Variants in SBF1 observed in about 807,000 individuals in gnomAD.
SBF1 encodes SET binding factor 1.
Under a neutral mutation model 215.8 loss-of-function variants are expected in SBF1, and 65 were observed. That is an observed-to-expected ratio of 0.30 (90% CI 0.25 to 0.37). The LOEUF (loss-of-function observed/expected upper bound fraction) is 0.37, where lower values mean the gene tolerates loss of function less well. Among genes scored for constraint, SBF1 ranks in the 10% least tolerant of loss-of-function variants. The probability of loss-of-function intolerance (pLI) is 1.00; values close to 1 mark genes in which losing one functional copy is unlikely to be tolerated. For synonymous variants in SBF1, 1,410 were observed against 1,122.8 expected (o/e 1.26, Z -5.11); for missense variants, 2,634 against 2,667.8 (o/e 0.99, Z 0.28).
At chr22:50,469,212 G>A (rs1019998950) in intron 1 of SBF1, among the ~76,000 whole-genome samples, 1 of 152,156 alleles carries the variant, frequency 6.6e-6, no homozygotes, top group Admixed American at 6.5e-5. Context: ...AGAGTGGGAC[G>A]GTGGTCACAC....
At position 50,463,340 on chromosome 22, in the gene SBF1, C is replaced by T. The variant is rs892200506; in HGVS notation, c.1842G>A (p.Ala614=). The change falls in exon 16 of 41, where the codon GCG becomes GCA. Residue 614 remains alanine (A), a synonymous_variant. Coordinates refer to ENST00000380817, the MANE Select transcript of SBF1 (RefSeq NM_002972.4). ...AGTCAAACTGCTGGTGGTCCAGGAC[C>T]GCACGGTTCTGCTGCACATGCAGGT... ...ELHLHVQQNR[A]VLDHQQFDFV... 8.1e-6 allele frequency: 13 copies of T among 1,612,214 alleles called. No individual in the cohort carries two copies. The highest frequency in any genetic ancestry group is 4.5e-5 in the East Asian group (2 of 44,844).
Position 50,465,240 on chromosome 22 carries a change from G to A in SBF1, c.1178C>T (p.Pro393Leu), listed in dbSNP as rs752751209. 3.7e-6 allele frequency: 6 copies of A among 1,612,344 alleles called. No individual in the cohort carries two copies. Among genetic ancestry groups the A allele is most frequent in the Non-Finnish European group, 2.5e-6 (3 of 1,179,462 alleles). Residue 393 changes from proline to leucine, a missense_variant, in exon 11 of 41, where the codon CCG becomes CTG. Physicochemically the swap from Pro to Leu is moderately conservative, Grantham distance 98. Coordinates refer to ENST00000380817, the MANE Select transcript of SBF1 (RefSeq NM_002972.4). ...CTTATGGAAGCGGATGACAGGCTCCGGGTGGATGCGCACGACGTGCAGGCA... is the reference window on the plus strand; with the variant it reads ...CTTATGGAAGCGGATGACAGGCTCCAGGTGGATGCGCACGACGTGCAGGCA... ...RWCLHVVRIH[P>L]EPVIRFHKAA...
chr22:50,459,395 G>A lies in SBF1; in HGVS notation c.3689-3C>T. 4 of 1,612,114 alleles carry A rather than the reference G, an allele frequency of 2.5e-6. No homozygotes were observed. The highest frequency in any genetic ancestry group is 2.7e-5 in the African/African-American group (2 of 75,044). ...ACTCGAGTCCGCCTGGGACTGGCCT[G>A]GGGGAGGACACGGAGCTGAGGGAGG... On this transcript the variant is annotated splice_region_variant and splice_polypyrimidine_tract_variant and intron_variant, in intron 27 of 40. Transcript: ENST00000380817.
chr22:50,466,991 A>G, intron 5 of SBF1: 2 of 559,156 alleles, frequency 3.6e-6, no homozygotes, highest in South Asian at 4.6e-5. Flanking sequence ...TCCTTCCTCA[A>G]CAGAGTCCAG....
At position 50,447,193 on chromosome 22, in the gene SBF1, G is replaced by A. The variant is rs772794368; in HGVS notation, c.5631C>T (p.Pro1877=). 18 of 1,613,572 alleles carry A rather than the reference G, an allele frequency of 1.1e-5. No individual in the cohort carries two copies. The Admixed American group carries it at 1.7e-4, about 15-fold the overall frequency. Residue 1877 remains proline, a synonymous_variant, in exon 41 of 41, where the codon CCC becomes CCT. Transcript: ENST00000380817. ...RVYNFCAQDV[P]SAQQWVDRIQ... ...TCCGGTCCACCCACTGCTGGGCCGA[G>A]GGCACGTCCTGGGCACAGAAGTTGT...
In SBF1 at chr22:50,474,979, CG is replaced by C. The variant is rs2068127007; in HGVS notation, c.-140del. 2 of 352,330 alleles carry C rather than the reference CG, an allele frequency of 5.7e-6. No individual in the cohort carries two copies. Among genetic ancestry groups the C allele is most frequent in the East Asian group, 2.7e-4 (2 of 7,412 alleles). The allele number at this position is 352,330 out of a possible 1,614,324, so 21.8% of individuals were successfully genotyped here. On this transcript the variant is annotated 5_prime_UTR_variant, in exon 1 of 41. An upstream open reading frame in the 5' UTR loses its in-frame stop. Coordinates refer to ENST00000380817, the MANE Select transcript of SBF1 (RefSeq NM_002972.4). ...CTGGTTCGCTCCGCGGCGGCGGCGG[CG>C]GCGGCGGCGGCGGCCCAGGTTCCCG... is the stretch of plus-strand genomic sequence containing the variant.
At chr22:50,465,619 G>A in intron 10 of SBF1, 144 bp downstream of exon 10, 1 of 788,202 alleles carries the variant, frequency 1.3e-6, no homozygotes, top group Non-Finnish European at 2.0e-6. Context: ...ACTGCTGGCA[G>A]CTGCTTTGCT....
intron 36 of SBF1, among the ~76,000 whole-genome samples, chr22:50,450,281 G>A (rs1214032713): frequency 6.6e-6 from 1 of 152,196 alleles, no homozygotes; most frequent in African/African-American, 2.4e-5. Flanking sequence ...AGCACTTTGG[G>A]AGGCCAATGC....
intron 5 of SBF1, 190 bp from the exon 6 acceptor site, chr22:50,466,900 C>T (rs538635959): frequency 2.8e-5 from 16 of 578,872 alleles, no homozygotes; most frequent in Non-Finnish European, 9.2e-6. Context: ...GCAGAGAAAA[C>T]TCAGGACAGG....
At position 50,466,669 on chromosome 22, in the gene SBF1, C is replaced by A; in HGVS notation, c.591G>T (p.Gln197His). The change falls in exon 6 of 41, where the codon CAG (glutamine) becomes CAT (histidine). Residue 197 changes from glutamine to histidine, a missense_variant. Coordinates refer to ENST00000380817, the MANE Select transcript of SBF1 (RefSeq NM_002972.4). ...SLGAGDRQVI[Q>H]TPLADSLPVS... is the part of the protein sequence containing the mutation. ...CGGGCAGCGAGTCGGCCAGTGGAGT[C>A]TGGATGACCTGCCGGTCACCAGCCC... 1 of 1,548,172 alleles carries A rather than the reference C, an allele frequency of 6.5e-7. No individual in the cohort carries two copies. Among genetic ancestry groups the A allele is most frequent in the Non-Finnish European group, 8.7e-7 (1 of 1,145,076 alleles).
chr22:50,463,635 C>A (rs1156840352), intron 15 of SBF1, among the ~76,000 whole-genome samples: 2 of 152,340 alleles, frequency 1.3e-5, no homozygotes, highest in Admixed American at 1.3e-4. Context: ...AGGCCAGACA[C>A]AAGGACGCAG....
intron 28 of SBF1, chr22:50,457,487 A>T (rs911379112): frequency 9.0e-6 from 2 of 222,516 alleles, no homozygotes; most frequent in African/African-American, 2.3e-5. Context: ...GGCACAGCTC[A>T]GAACGCTCCA....
At chr22:50,464,954 C>A in intron 12 of SBF1, 37 bp from the exon 13 acceptor site, 1 of 1,613,790 alleles carries the variant, frequency 6.2e-7, no homozygotes. Context: ...AAGCCATGGT[C>A]AGGCGGAGCC....
At chr22:50,462,795 G>T (rs887709966) in intron 17 of SBF1, 75 bp downstream of exon 17, 4 of 1,604,504 alleles carry the variant, frequency 2.5e-6, no homozygotes, top group Middle Eastern at 1.7e-4. Context: ...CCACCAGGAA[G>T]GGGGGCTGGG....
chr22:50,456,600 G>C lies in SBF1; in HGVS notation c.3978C>G (p.Gly1326=), dbSNP rs1202701665. The C allele has an allele frequency of 6.5e-7, 1 of 1,532,610 alleles. No homozygotes were observed. The highest frequency in any genetic ancestry group is 1.4e-5 in the African/African-American group (1 of 72,746). 94.9% of individuals were successfully genotyped at this position (1,532,610 alleles called of 1,614,324 possible). A position where few individuals can be genotyped will look rare whatever the true frequency, so the allele number is the denominator to read the frequency against. ...LGTDVGSRLA[G]RDALAPPQAN... is the part of the protein sequence containing the mutation. Reference sequence around the variant, plus strand: ...CCTGGGGTGGGGCCAGCGCGTCTCTGCCAGCTAGCCGGGAGCCCACATCGG... The same window carrying C: ...CCTGGGGTGGGGCCAGCGCGTCTCTCCCAGCTAGCCGGGAGCCCACATCGG... The change falls in exon 30 of 41, where the codon GGC becomes GGG. Residue 1326 remains glycine, a synonymous_variant. Coordinates refer to ENST00000380817, the MANE Select transcript of SBF1 (RefSeq NM_002972.4).
chr22:50,464,391 G>C lies in SBF1; in HGVS notation c.1687C>G (p.Leu563Val). The C allele has an allele frequency of 1.9e-6, 3 of 1,614,110 alleles. No homozygotes were observed. The highest frequency in any genetic ancestry group is 2.5e-6 in the Non-Finnish European group (3 of 1,180,026). ...SGLHVNSARR[L>V]EVVRNCISYV... ...GAGATGCAGTTGCGCACAACCTCCA[G>C]CCGCCGGGCGCTGTTGACATGCAGC... The change falls in exon 15 of 41, where the codon CTG becomes GTG. Residue 563 changes from leucine (L) to valine (V), a missense_variant. Leu to Val is a conservative substitution (Grantham distance 32, BLOSUM62 1). Coordinates refer to ENST00000380817, the MANE Select transcript of SBF1 (RefSeq NM_002972.4).
At position 50,465,117 on chromosome 22, in the gene SBF1, C is replaced by A; in HGVS notation, c.1216G>T (p.Gly406Cys). Residue 406 changes from glycine (G) to cysteine (C), a missense_variant, in exon 12 of 41, where the codon GGC becomes TGC. Gly to Cys is a radical substitution (Grantham distance 159). Coordinates refer to ENST00000380817, the MANE Select transcript of SBF1 (RefSeq NM_002972.4). ...VIRFHKAAFLGQRGLVEDDFL... is the reference protein window; with the variant it reads ...VIRFHKAAFLCQRGLVEDDFL... Reference sequence around the variant, plus strand: ...TCGTCCTCTACCAGCCCACGCTGGCCCAGGAAGGCTGCCTGGATGACAGAA... The same window carrying A: ...TCGTCCTCTACCAGCCCACGCTGGCACAGGAAGGCTGCCTGGATGACAGAA... 1 of 1,614,060 alleles carries A rather than the reference C, an allele frequency of 6.2e-7. No individual in the cohort carries two copies. Among genetic ancestry groups the A allele is most frequent in the Non-Finnish European group, 8.5e-7 (1 of 1,180,008 alleles).
chr22:50,447,632 G>T (rs773940207), intron 38 of SBF1, 23 bp from the exon 39 acceptor site: 60 of 1,571,220 alleles, frequency 3.8e-5, no homozygotes, highest in Non-Finnish European at 4.9e-5. Context: ...CAGAACCAGG[G>T]CCAGGCTGAC....
chr22:50,466,846 C>T, intron 5 of SBF1, 136 bp from the exon 6 acceptor site: 1 of 627,514 alleles, frequency 1.6e-6, no homozygotes, highest in Non-Finnish European at 2.8e-6. Context: ...GGCAACATGG[C>T]AAGAGGGAAA....
Sources: allele counts gnomAD v4.1 joint callset (sites outside exome capture counted in the v4.1 genomes callset), GRCh38; gene constraint gnomAD v4.1.1; transcripts MANE v1.5; gene names NCBI Gene and HGNC (gene_info 2026-07-23, HGNC 2026-07-21).